Variants in EPS15L1 observed in about 807,000 individuals in gnomAD.
EPS15L1 encodes the protein epidermal growth factor receptor substrate 15-like 1.
In EPS15L1, 43 loss-of-function variants were observed where a neutral mutation model predicts 117.1. That is an observed-to-expected ratio of 0.37 (90% confidence interval 0.29 to 0.47). EPS15L1 has a LOEUF of 0.47. Ranked by LOEUF, EPS15L1 falls within the 20% of genes least tolerant of loss-of-function variation. The probability of loss-of-function intolerance (pLI) is 0.99; values close to 1 mark genes in which losing one functional copy is unlikely to be tolerated. For synonymous variants in EPS15L1, 459 were observed against 470.5 expected (o/e 0.98, Z 0.32); for missense variants, 981 against 1,164.0 (o/e 0.84, Z 2.29).
Position 16,421,471 on chromosome 19 carries a change from T to C in EPS15L1, c.798A>G (p.Thr266=). 1 of 1,610,468 alleles carries C rather than the reference T, an allele frequency of 6.2e-7. No individual in the cohort carries two copies. The highest frequency in any genetic ancestry group is 2.2e-5 in the East Asian group (1 of 44,758). ...PKHSLKQTQP[T]VNWVVPVADK... is the part of the protein sequence containing the mutation. ...CTGCCACGGGCACCACCCAGTTCAC[T>C]GTTGGCTGAAACAGTTTTTGGCAAA... The change falls in exon 10 of 24, where the codon ACA becomes ACG. Residue 266 remains threonine, a synonymous_variant. Transcript: ENST00000455140.
intron 13 of EPS15L1, chr19:16,413,498 G>C (rs2092727256): frequency 1.4e-6 from 1 of 725,084 alleles, no homozygotes; most frequent in Non-Finnish European, 2.3e-6. Flanking sequence ...CCTATCAGGA[G>C]TTCACTGACC....
intron 13 of EPS15L1, among the ~76,000 whole-genome samples, chr19:16,412,087 T>C (rs2092711701): frequency 6.6e-6 from 1 of 152,240 alleles, no homozygotes; most frequent in Non-Finnish European, 1.5e-5. Flanking sequence ...TATTGTTTCA[T>C]CAATTTGGAT....
At chr19:16,375,993 G>A (rs1180477519) in intron 22 of EPS15L1, among the ~76,000 whole-genome samples, 1 of 152,216 alleles carries the variant, frequency 6.6e-6, no homozygotes, top group Non-Finnish European at 1.5e-5. Context: ...GTCCATTCCA[G>A]GACCTGCGAT....
chr19:16,453,228 T>C (rs2093163326), intron 1 of EPS15L1, among the ~76,000 whole-genome samples: 1 of 152,178 alleles, frequency 6.6e-6, no homozygotes. Context: ...GCCTTCCAAG[T>C]AGCTGGGTCT....
chr19:16,436,067 C>G (rs551618773), intron 6 of EPS15L1, among the ~76,000 whole-genome samples: 1 of 152,334 alleles, frequency 6.6e-6, no homozygotes, highest in Non-Finnish European at 1.5e-5. Context: ...TGCTTGATGA[C>G]AGAGGTGACT....
At chr19:16,456,956 A>C (rs36719) in intron 1 of EPS15L1, among the ~76,000 whole-genome samples, 13,922 of 151,920 alleles carry the variant, frequency 0.092, 1,021 homozygotes, top group East Asian at 0.25. Flanking sequence ...CAAGCAGAAC[A>C]TGGGGAGGGG....
chr19:16,426,976 A>G (rs2092878782), intron 8 of EPS15L1, among the ~76,000 whole-genome samples: 1 of 152,228 alleles, frequency 6.6e-6, no homozygotes, highest in South Asian at 2.1e-4. Context: ...GTTTTTAGGA[A>G]ATACGCACTG....
intron 1 of EPS15L1, among the ~76,000 whole-genome samples, chr19:16,444,629 T>C (rs1407595756): frequency 2.6e-5 from 4 of 152,014 alleles, no homozygotes; most frequent in Non-Finnish European, 4.4e-5. Context: ...TCGCCTGCCA[T>C]GGGTTCACAG....
chr19:16,406,626 T>C (rs2092659419), intron 13 of EPS15L1, among the ~76,000 whole-genome samples: 1 of 152,206 alleles, frequency 6.6e-6, no homozygotes, highest in Non-Finnish European at 1.5e-5. Flanking sequence ...ACTGGCTCCT[T>C]CCAGGCCACG....
At chr19:16,432,132 C>T (rs1004301348) in intron 7 of EPS15L1, among the ~76,000 whole-genome samples, 1 of 152,140 alleles carries the variant, frequency 6.6e-6, no homozygotes, top group African/African-American at 2.4e-5. Flanking sequence ...CAAATTGAGG[C>T]TTTTAAAATT....
intron 16 of EPS15L1, among the ~76,000 whole-genome samples, chr19:16,395,942 CA>C (rs776880434): frequency 0.018 from 971 of 53,396 alleles, 17 homozygotes; most frequent in African/African-American, 0.054. Context: ...GAGTCTATCT[CA>C]AAAAAAAAAA....
rs1717594802 is a variant in EPS15L1 at position 16,355,564 on chromosome 19, A to C, written c.*141T>G. 9.1e-7 allele frequency: 1 copy of C among 1,096,654 alleles called. No individual in the cohort carries two copies. Among genetic ancestry groups the C allele is most frequent in the Non-Finnish European group, 1.3e-6 (1 of 788,864 alleles). 67.9% of individuals were successfully genotyped at this position (1,096,654 alleles called of 1,614,324 possible). ...GTGACCTTTCCAGGTCTTGCAGCCG[A>C]GTCTGCTCACCCTGAACAAGCCCCC... On this transcript the variant is annotated 3_prime_UTR_variant, in exon 24 of 24. Coordinates refer to ENST00000455140, the MANE Select transcript of EPS15L1 (RefSeq NM_001258374.3).
chr19:16,410,693 T>A (rs1458093442), intron 13 of EPS15L1, among the ~76,000 whole-genome samples: 4 of 152,106 alleles, frequency 2.6e-5, no homozygotes, highest in Non-Finnish European at 4.4e-5. Flanking sequence ...GCAGATTGCT[T>A]TGAGTCCAGG....
At chr19:16,436,062 G>A (rs2092975222) in intron 6 of EPS15L1, among the ~76,000 whole-genome samples, 1 of 152,228 alleles carries the variant, frequency 6.6e-6, no homozygotes, top group African/African-American at 2.4e-5. Context: ...CAAAGTGCTT[G>A]ATGACAGAGG....
chr19:16,464,987 T>G lies in EPS15L1; in HGVS notation c.33+6926A>C, dbSNP rs150705609. Among the ~76,000 whole-genome samples the G allele has an allele frequency of 3.8e-3, 576 of 150,518 alleles. 4 individuals carry two copies. In the East Asian group the frequency reaches 0.046, roughly 12 times the overall value. On this transcript the variant is annotated intron_variant, in intron 1 of 23. Coordinates refer to ENST00000455140, the MANE Select transcript of EPS15L1 (RefSeq NM_001258374.3). ...CCAGCTACGCAGGAGGCTGAGGCAG[T>G]AGAATGGCATGAACCCAGGAGGCGG...
chr19:16,375,608 C>A (rs1383491069), intron 22 of EPS15L1, among the ~76,000 whole-genome samples: 4 of 152,222 alleles, frequency 2.6e-5, no homozygotes, highest in African/African-American at 4.8e-5. Flanking sequence ...TGGCCTCTTG[C>A]AGATGGAAGG....
chr19:16,358,203 G>C (rs1366972862), intron 23 of EPS15L1: 2 of 152,764 alleles, frequency 1.3e-5, no homozygotes, highest in Non-Finnish European at 2.9e-5. Flanking sequence ...CCAAATGAAA[G>C]GTGTCAGCAG....
Position 16,418,025 on chromosome 19 carries a change from C to A in EPS15L1, c.1030G>T (p.Val344Phe), listed in dbSNP as rs1415839979. 6.2e-7 allele frequency: 1 copy of A among 1,614,226 alleles called. No individual in the cohort carries two copies. The highest frequency in any genetic ancestry group is 1.7e-5 in the Admixed American group (1 of 60,012). The change falls in exon 11 of 24, where the codon GTC becomes TTC. Residue 344 changes from valine (V) to phenylalanine (F), a missense_variant. Physicochemically the swap from Val to Phe is conservative, Grantham distance 50. This residue lies in a region of EPS15L1 where 819 missense variants were observed against 949.0 expected (regional missense o/e 0.86). Coordinates refer to ENST00000455140, the MANE Select transcript of EPS15L1 (RefSeq NM_001258374.3). ...TGAGGAGGGTCGATGCCTTTACTGA[C>A]CTTCTGCTGAATGAAATACATAGCT... is the stretch of plus-strand genomic sequence containing the variant. ...ALAMYFIQQKVSKGIDPPQVL... is the reference protein window; with the variant it reads ...ALAMYFIQQKFSKGIDPPQVL...
At chr19:16,377,347 T>G in intron 21 of EPS15L1, 93 bp from the exon 22 acceptor site, 4 of 1,420,360 alleles carry the variant, frequency 2.8e-6, no homozygotes, top group Non-Finnish European at 3.9e-6. Context: ...CCAAGGGCCC[T>G]GGCAAGGCCT....
Sources: gnomAD v4.1 joint callset for allele counts (sites outside exome capture counted in the v4.1 genomes callset) on GRCh38, gnomAD v4.1.1 for gene constraint, gnomAD v4.1.1 regional missense constraint, MANE v1.5 for transcripts, NCBI Gene and HGNC (gene_info 2026-07-23, HGNC 2026-07-21) for gene names.